Variants in PPARG observed in about 807,000 individuals in gnomAD.
The protein encoded by PPARG is peroxisome proliferator activated receptor gamma, also known as peroxisome proliferator-activated receptor gamma.
A neutral mutation model predicts 39.2 loss-of-function variants in PPARG; 17 were observed. That is an observed-to-expected ratio of 0.43 (90% CI 0.30 to 0.65). The LOEUF is 0.65. Among genes scored for constraint, PPARG ranks in the 30% least tolerant of loss-of-function variants. The probability of loss-of-function intolerance (pLI) is 0.13; values close to 1 mark genes in which losing one functional copy is unlikely to be tolerated. For missense variants in PPARG, 406 were observed against 585.9 expected (o/e 0.69, Z 3.17); for synonymous variants, 223 against 215.7 (o/e 1.03, Z -0.30).
intron 7 of PPARG, among the ~76,000 whole-genome samples, chr3:12,431,864 C>T (rs1446407245): frequency 1.3e-5 from 2 of 151,666 alleles, no homozygotes; most frequent in Admixed American, 6.6e-5. Flanking sequence ...CACCTGAACC[C>T]AGGAGTTGGA....
chr3:12,330,563 G>T (rs879258294), intron 2 of PPARG, among the ~76,000 whole-genome samples: 19 of 152,110 alleles, frequency 1.2e-4, no homozygotes, highest in Admixed American at 2.6e-4. Flanking sequence ...TCAAAAAGAT[G>T]ATTTCATTTG....
intron 7 of PPARG, among the ~76,000 whole-genome samples, chr3:12,425,100 C>A (rs1038499647): frequency 1.3e-5 from 2 of 152,074 alleles, no homozygotes; most frequent in African/African-American, 4.8e-5. Flanking sequence ...TCAACTATCG[C>A]TTTAAGGGGA....
chr3:12,306,894 C>G (rs1369232016), intron 1 of PPARG, among the ~76,000 whole-genome samples: 1 of 151,858 alleles, frequency 6.6e-6, no homozygotes, highest in Non-Finnish European at 1.5e-5. Context: ...GTCAGGAGAT[C>G]GAGACCATCC....
At chr3:12,404,567 G>A (rs1229214559) in intron 5 of PPARG, among the ~76,000 whole-genome samples, 1 of 152,190 alleles carries the variant, frequency 6.6e-6, no homozygotes. Flanking sequence ...ACTTTGGGAG[G>A]CTGAGGTGGG....
chr3:12,343,883 C>G lies in PPARG; in HGVS notation c.-9+31430C>G, dbSNP rs889381246. On this transcript the variant is annotated intron_variant, in intron 2 of 7. Coordinates refer to ENST00000651735, the MANE Select transcript of PPARG (RefSeq NM_138711.6). ...CGAATTTTTTTTTTTTTTTTTGAGA[C>G]AGAATCTTGCTCTATCACCCAGGCT... Among the ~76,000 whole-genome samples, 5 of 119,564 alleles carry G rather than the reference C, an allele frequency of 4.2e-5. No individual in the cohort carries two copies. In the South Asian group the frequency reaches 1.2e-3, roughly 29 times the overall value. The allele number at this position is 119,564 out of a possible 152,430, so 78.4% of individuals were successfully genotyped here.
rs1192294083 is a variant in PPARG, at chr3:12,433,797, A to G, written c.1181-101A>G. 13 of 1,544,094 alleles carry G rather than the reference A, an allele frequency of 8.4e-6. No homozygotes were observed. The East Asian group carries it at 2.7e-4, about 32-fold the overall frequency. ...ATACAAAGCAAAACAAACCAAAAAT[A>G]CAGATGAGTTGCTTGGTAGAGCTGC... On this transcript the variant is annotated intron_variant, in intron 7 of 7. Coordinates refer to ENST00000651735, the MANE Select transcript of PPARG (RefSeq NM_138711.6).
intron 2 of PPARG, among the ~76,000 whole-genome samples, chr3:12,346,652 T>TA (rs910033274): frequency 4.0e-4 from 61 of 152,066 alleles, no homozygotes; most frequent in African/African-American, 1.4e-3. Flanking sequence ...TCTTTTTTTT[T>TA]AAGACAGGGT....
chr3:12,332,715 A>T (rs2047896089), intron 2 of PPARG, among the ~76,000 whole-genome samples: 1 of 152,130 alleles, frequency 6.6e-6, no homozygotes, highest in Non-Finnish European at 1.5e-5. Context: ...CTACCATTGC[A>T]AGTAGACATG....
chr3:12,362,568 T>TAAAA (rs1553640605), intron 2 of PPARG, among the ~76,000 whole-genome samples: 1 of 134,842 alleles, frequency 7.4e-6, no homozygotes, highest in Non-Finnish European at 1.6e-5. Flanking sequence ...AATAAATAAA[T>TAAAA]AAAACGAACA....
chr3:12,337,415 A>G (rs913972716), intron 2 of PPARG, among the ~76,000 whole-genome samples: 1 of 152,194 alleles, frequency 6.6e-6, no homozygotes, highest in Non-Finnish European at 1.5e-5. Flanking sequence ...GTGTGGGCAG[A>G]GTATAGCAAT....
intron 2 of PPARG, among the ~76,000 whole-genome samples, chr3:12,360,118 G>A (rs1316141206): frequency 6.6e-6 from 1 of 152,178 alleles, no homozygotes; most frequent in East Asian, 1.9e-4. Context: ...TAAAATACTT[G>A]TGTTGGTTTT....
At chr3:12,377,416 T>C (rs2049454813) in intron 2 of PPARG, among the ~76,000 whole-genome samples, 1 of 152,196 alleles carries the variant, frequency 6.6e-6, no homozygotes, top group Non-Finnish European at 1.5e-5. Context: ...ATTCTCAATG[T>C]GGGGAAAACT....
intron 7 of PPARG, among the ~76,000 whole-genome samples, chr3:12,424,427 G>A (rs574841301): frequency 1.3e-5 from 2 of 152,144 alleles, no homozygotes; most frequent in Admixed American, 6.5e-5. Context: ...CTATGGGGTC[G>A]AATGCTGAGT....
Position 12,433,923 on chromosome 3 carries a change from G to C in PPARG, c.1206G>C (p.Lys402Asn), listed in dbSNP as rs1437186245. The change falls in exon 8 of 8, where the codon AAG becomes AAC. Residue 402 changes from lysine to asparagine, a missense_variant. Coordinates refer to ENST00000651735, the MANE Select transcript of PPARG (RefSeq NM_138711.6). ...SGDRPGLLNVKPIEDIQDNLL... is the reference protein window; with the variant it reads ...SGDRPGLLNVNPIEDIQDNLL... ...ACCGCCCAGGTTTGCTGAATGTGAA[G>C]CCCATTGAAGACATTCAAGACAACC... 2.2e-5 allele frequency: 36 copies of C among 1,614,098 alleles called. No homozygotes were observed. The highest frequency in any genetic ancestry group is 2.9e-5 in the Non-Finnish European group (34 of 1,180,042).
chr3:12,379,989 A>G, intron 3 of PPARG, 58 bp downstream of exon 3: 1 of 1,383,246 alleles, frequency 7.2e-7, no homozygotes, highest in South Asian at 1.2e-5. Flanking sequence ...CTCATCTCTC[A>G]GTAACCCTGT....
chr3:12,362,203 G>C (rs1413563900), intron 2 of PPARG, among the ~76,000 whole-genome samples: 1 of 152,052 alleles, frequency 6.6e-6, no homozygotes, highest in Non-Finnish European at 1.5e-5. Flanking sequence ...TAACTATAAT[G>C]AGTTTTTTTG....
intron 2 of PPARG, among the ~76,000 whole-genome samples, chr3:12,321,735 GGGTCAGACACACCA>G (rs2047552158): frequency 6.6e-6 from 1 of 152,070 alleles, no homozygotes; most frequent in African/African-American, 2.4e-5. Context: ...CAAATCTTAT[GGGTCAGACACACCA>G]GGCTGCTCAG....
chr3:12,321,846 G>A (rs1358232248), intron 2 of PPARG, among the ~76,000 whole-genome samples: 1 of 152,058 alleles, frequency 6.6e-6, no homozygotes, highest in Non-Finnish European at 1.5e-5. Flanking sequence ...TATACTTCTT[G>A]AGAACAGAGA....
intron 2 of PPARG, among the ~76,000 whole-genome samples, chr3:12,369,954 C>T (rs2049150562): frequency 6.6e-6 from 1 of 152,178 alleles, no homozygotes; most frequent in Non-Finnish European, 1.5e-5. Flanking sequence ...CTTCCTCCTG[C>T]ATTTTCTCTA....
Sources: allele counts gnomAD v4.1 joint callset (sites outside exome capture counted in the v4.1 genomes callset), GRCh38; gene constraint gnomAD v4.1.1; transcripts MANE v1.5; gene names NCBI Gene and HGNC (gene_info 2026-07-23, HGNC 2026-07-21).